Variants in CTNNA3 observed in about 807,000 individuals in gnomAD.
CTNNA3 encodes the protein catenin alpha-3.
In CTNNA3, 76 loss-of-function variants were observed where a neutral mutation model predicts 95.7. The observed-to-expected ratio is 0.79, with a 90% CI of 0.66 to 0.96. The LOEUF (loss-of-function observed/expected upper bound fraction) is 0.96, where lower values mean the gene tolerates loss of function less well. Ranked by LOEUF, CTNNA3 falls within the 40% of genes least tolerant of loss-of-function variation. The probability of loss-of-function intolerance (pLI) is 0.00; values close to 1 mark genes in which losing one functional copy is unlikely to be tolerated. For synonymous variants in CTNNA3, 431 were observed against 374.4 expected (o/e 1.15, Z -1.74); for missense variants, 1,191 against 1,089.8 (o/e 1.09, Z -1.31).
chr10:66,930,044 C>T (rs1484056063), intron 7 of CTNNA3, among the ~76,000 whole-genome samples: 1 of 151,738 alleles, frequency 6.6e-6, no homozygotes, highest in East Asian at 1.9e-4. Context: ...AAGTGAATGG[C>T]TATTTTTACT....
intron 1 of CTNNA3, among the ~76,000 whole-genome samples, chr10:67,682,244 G>A (rs920060301): frequency 2.6e-5 from 4 of 151,324 alleles, no homozygotes; most frequent in Non-Finnish European, 5.9e-5. Context: ...GGAGAATGGT[G>A]TGAACACACG....
At chr10:66,293,801 G>T (rs1311735530) in intron 12 of CTNNA3, among the ~76,000 whole-genome samples, 1 of 151,854 alleles carries the variant, frequency 6.6e-6, no homozygotes, top group Admixed American at 6.6e-5. Context: ...GAGTAGCTGG[G>T]ATTACAGGCG....
chr10:66,021,217 A>C (rs2079198760), intron 15 of CTNNA3, among the ~76,000 whole-genome samples: 1 of 152,176 alleles, frequency 6.6e-6, no homozygotes, highest in African/African-American at 2.4e-5. Context: ...TAGGTGCTAA[A>C]ATGCTGTTAA....
intron 7 of CTNNA3, among the ~76,000 whole-genome samples, chr10:67,012,003 C>T (rs1340033608): frequency 5.9e-5 from 9 of 152,130 alleles, no homozygotes; most frequent in Admixed American, 5.2e-4. Context: ...ACTCTATAGG[C>T]ATTATCTTTA....
intron 7 of CTNNA3, among the ~76,000 whole-genome samples, chr10:66,820,271 C>T (rs1171911735): frequency 6.6e-6 from 1 of 151,936 alleles, no homozygotes; most frequent in African/African-American, 2.4e-5. Flanking sequence ...CAGAAATGCC[C>T]AGAATAGGCA....
intron 10 of CTNNA3, among the ~76,000 whole-genome samples, chr10:66,524,603 A>C (rs559815884): frequency 1.3e-5 from 2 of 152,326 alleles, no homozygotes; most frequent in Non-Finnish European, 2.9e-5. Context: ...ATTAGTTAGC[A>C]GTCAAGATCA....
intron 5 of CTNNA3, among the ~76,000 whole-genome samples, chr10:67,476,195 C>T (rs894231585): frequency 2.0e-5 from 3 of 152,008 alleles, no homozygotes; most frequent in East Asian, 1.9e-4. Flanking sequence ...CAGCCTGAGT[C>T]GTCCCCACCC....
At chr10:65,991,997 T>C (rs1405416858) in intron 15 of CTNNA3, among the ~76,000 whole-genome samples, 2 of 152,134 alleles carry the variant, frequency 1.3e-5, no homozygotes, top group Admixed American at 6.6e-5. Flanking sequence ...ACTGAGCCTA[T>C]TGAGATGATC....
At chr10:67,021,217 GA>G (rs35352573) in intron 7 of CTNNA3, among the ~76,000 whole-genome samples, 19 of 151,490 alleles carry the variant, frequency 1.3e-4, no homozygotes, top group Admixed American at 2.6e-4. Flanking sequence ...ACAATACTGG[GA>G]AAAAAAAGCT....
intron 9 of CTNNA3, among the ~76,000 whole-genome samples, chr10:66,632,176 A>C (rs1845160505): frequency 6.6e-6 from 1 of 152,128 alleles, no homozygotes. Context: ...TTGTCTATTA[A>C]ATTTATAGAG....
At chr10:66,455,983 A>G (rs1469516996) in intron 11 of CTNNA3, among the ~76,000 whole-genome samples, 1 of 152,230 alleles carries the variant, frequency 6.6e-6, no homozygotes, top group Admixed American at 6.5e-5. Context: ...AATTTGGTAT[A>G]AATCTGGCAA....
chr10:66,598,817 A>T (rs1843815022), intron 10 of CTNNA3, among the ~76,000 whole-genome samples: 1 of 152,048 alleles, frequency 6.6e-6, no homozygotes, highest in South Asian at 2.1e-4. Flanking sequence ...AAATATTTGT[A>T]CTATCCTAAG....
intron 9 of CTNNA3, among the ~76,000 whole-genome samples, chr10:66,745,868 G>A (rs1466797144): frequency 6.6e-6 from 1 of 151,800 alleles, no homozygotes; most frequent in Non-Finnish European, 1.5e-5. Context: ...CAAAGTGCTG[G>A]GATTACAGGC....
At chr10:67,334,418 T>C (rs1841909098) in intron 5 of CTNNA3, 1 of 153,856 alleles carries the variant, frequency 6.5e-6, no homozygotes, top group African/African-American at 2.4e-5. Flanking sequence ...GACCCACAAG[T>C]ACAGAGCAGA....
At chr10:66,273,696 G>C (rs1022019775) in intron 13 of CTNNA3, among the ~76,000 whole-genome samples, 80 of 152,178 alleles carry the variant, frequency 5.3e-4, no homozygotes, top group African/African-American at 1.9e-3. Flanking sequence ...AACCTTTGGA[G>C]AAGGGTGGGT....
intron 13 of CTNNA3, among the ~76,000 whole-genome samples, chr10:66,238,174 A>G (rs2089949177): frequency 6.6e-6 from 1 of 152,030 alleles, no homozygotes; most frequent in East Asian, 1.9e-4. Context: ...TTGGGGAAGC[A>G]AAAGTGATGA....
intron 3 of CTNNA3, among the ~76,000 whole-genome samples, chr10:67,581,975 G>A (rs1168675261): frequency 6.6e-6 from 1 of 151,888 alleles, no homozygotes; most frequent in Admixed American, 6.6e-5. Flanking sequence ...CTTGATAGCG[G>A]TCTATCAATT....
chr10:67,167,982 A>G (rs1370179336), intron 7 of CTNNA3, among the ~76,000 whole-genome samples: 1 of 152,060 alleles, frequency 6.6e-6, no homozygotes, highest in Non-Finnish European at 1.5e-5. Context: ...AAAAAATACA[A>G]AAAAATTAGC....
chr10:66,165,164 A>G (rs2085060742), intron 13 of CTNNA3, among the ~76,000 whole-genome samples: 1 of 152,184 alleles, frequency 6.6e-6, no homozygotes, highest in African/African-American at 2.4e-5. Context: ...TTAAGGCAGG[A>G]ACAGAAAACC....
Sources: gnomAD v4.1 joint callset for allele counts (sites outside exome capture counted in the v4.1 genomes callset) on GRCh38, gnomAD v4.1.1 for gene constraint, MANE v1.5 for transcripts, NCBI Gene and HGNC (gene_info 2026-07-23, HGNC 2026-07-21) for gene names.